Variants in CDS2 observed in about 807,000 individuals in gnomAD.
The protein encoded by CDS2 is CDP-diacylglycerol synthase 2, also known as phosphatidate cytidylyltransferase 2.
CDS2 carries 47 observed loss-of-function variants against 59.0 expected under a neutral mutation model. The ratio of observed to expected loss-of-function variants is 0.80; its 90% CI spans 0.63 to 1.02. CDS2 has a LOEUF of 1.02. CDS2 is among the 50% of genes least tolerant of loss of function. The pLI is 0.00. For synonymous variants in CDS2, 207 were observed against 206.4 expected (o/e 1.00, Z -0.02); for missense variants, 356 against 558.9 (o/e 0.64, Z 3.66).
At chr20:5,146,629 G>A (rs1032218130) in intron 1 of CDS2, among the ~76,000 whole-genome samples, 4 of 152,098 alleles carry the variant, frequency 2.6e-5, no homozygotes, top group African/African-American at 7.2e-5. Flanking sequence ...TGTTATTTAT[G>A]ATTTTTTTAG....
chr20:5,186,665 T>A, intron 9 of CDS2, 22 bp from the exon 10 acceptor site: 1 of 1,611,918 alleles, frequency 6.2e-7, no homozygotes, highest in Non-Finnish European at 8.5e-7. Flanking sequence ...TCCTTGCCGG[T>A]CTCTCTGTTA....
intron 9 of CDS2, 24 bp from the exon 10 acceptor site, chr20:5,186,663 G>C: frequency 6.2e-7 from 1 of 1,611,586 alleles, no homozygotes; most frequent in Non-Finnish European, 8.5e-7. Flanking sequence ...CTTCCTTGCC[G>C]GTCTCTCTGT....
Position 5,189,204 on chromosome 20 carries a change from C to T in CDS2, c.1101+18C>T, listed in dbSNP as rs201560308. On this transcript the variant is annotated intron_variant, in intron 11 of 12. Transcript: ENST00000460006. The stretch of plus-strand genomic sequence containing the variant: ...AAATCAAAGTAGGAAAACCGTCTTA[C>T]GTTCCTCTCATCTCACTCCCTCACC... 27 of 1,613,828 alleles carry T rather than the reference C, an allele frequency of 1.7e-5. 1 individual carries two copies. The highest frequency in any genetic ancestry group is 1.7e-4 in the Admixed American group (10 of 59,998).
intron 6 of CDS2, 61 bp from the exon 7 acceptor site, chr20:5,182,996 ATTGT>A (rs2091042352): frequency 7.6e-7 from 1 of 1,316,766 alleles, no homozygotes; most frequent in African/African-American, 1.4e-5. Context: ...TTTGGTATTG[ATTGT>A]TCTTTGAAGT....
chr20:5,146,439 G>A (rs1297856936), intron 1 of CDS2, among the ~76,000 whole-genome samples: 3 of 152,194 alleles, frequency 2.0e-5, no homozygotes. Flanking sequence ...GAAGAGGTCA[G>A]TGTCAAGTGC....
intron 4 of CDS2, 39 bp downstream of exon 4, chr20:5,176,784 A>G (rs2090998297): frequency 2.8e-6 from 4 of 1,427,958 alleles, no homozygotes; most frequent in Non-Finnish European, 4.0e-6. Context: ...TAGAATTTGG[A>G]TGATGTGCTT....
chr20:5,133,144 C>G (rs1162599331), intron 1 of CDS2, among the ~76,000 whole-genome samples: 2 of 152,168 alleles, frequency 1.3e-5, no homozygotes, highest in African/African-American at 4.8e-5. Context: ...CACTGCACTC[C>G]AGCCAGGAGG....
At position 5,178,942 on chromosome 20, in the gene CDS2, C is replaced by T. The variant is rs755510112; in HGVS notation, c.515C>T (p.Thr172Ile). Residue 172 changes from threonine to isoleucine, a missense_variant, in exon 5 of 13, where the codon ACT becomes ATT. Physicochemically the swap from Thr to Ile is moderately conservative, Grantham distance 89 (BLOSUM62 -1). Coordinates refer to ENST00000460006, the MANE Select transcript of CDS2 (RefSeq NM_003818.4). The part of the protein sequence containing the change: ...LSKYHRFISF[T>I]LYLIGFCMFV... ...AAATACCACCGGTTCATTTCCTTTACTCTCTATCTAATAGGTATGCATTAA... is the reference window on the plus strand; with the variant it reads ...AAATACCACCGGTTCATTTCCTTTATTCTCTATCTAATAGGTATGCATTAA... 1 of 1,613,972 alleles carries T rather than the reference C, an allele frequency of 6.2e-7. No individual in the cohort carries two copies. The highest frequency in any genetic ancestry group is 8.5e-7 in the Non-Finnish European group (1 of 1,179,892).
intron 1 of CDS2, among the ~76,000 whole-genome samples, chr20:5,161,525 A>G (rs2090876756): frequency 6.6e-6 from 1 of 152,234 alleles, no homozygotes; most frequent in Non-Finnish European, 1.5e-5. Flanking sequence ...ACATACATTG[A>G]GAGGCAATCC....
At chr20:5,168,755 G>T in intron 1 of CDS2, 1 of 441,750 alleles carries the variant, frequency 2.3e-6, no homozygotes, top group South Asian at 1.7e-5. Flanking sequence ...CACAAATGCT[G>T]TTCTGGACTG....
chr20:5,176,098 A>AATT (rs1260203276), intron 3 of CDS2: 1 of 153,684 alleles, frequency 6.5e-6, no homozygotes, highest in African/African-American at 2.4e-5. Flanking sequence ...TTCTAGAATA[A>AATT]AAAGTTAAAA....
chr20:5,185,802 T>G lies in CDS2; in HGVS notation c.804T>G (p.Phe268Leu), dbSNP rs934257668. Residue 268 changes from phenylalanine to leucine, a missense_variant, in exon 9 of 13, where the codon TTT becomes TTG. This residue lies in a region of CDS2 where 88 missense variants were observed against 103.6 expected (regional missense o/e 0.85). Transcript: ENST00000460006. ...GGGAAGGCTTCATTGGGGGCTTCTT[T>G]GCTACTGTGGTGTTTGGCCTTCTGG... is the stretch of plus-strand genomic sequence containing the variant. ...KTWEGFIGGF[F>L]ATVVFGLLLS... 4 of 1,614,112 alleles carry G rather than the reference T, an allele frequency of 2.5e-6. No homozygotes were observed. The highest frequency in any genetic ancestry group is 3.4e-6 in the Non-Finnish European group (4 of 1,180,028).
At chr20:5,179,014 G>C in intron 5 of CDS2, 58 bp downstream of exon 5, 1 of 1,540,660 alleles carries the variant, frequency 6.5e-7, no homozygotes, top group Middle Eastern at 1.7e-4. Context: ...ATGTCTGTCA[G>C]GTAGGAATTG....
At chr20:5,147,195 A>T (rs2090750558) in intron 1 of CDS2, among the ~76,000 whole-genome samples, 1 of 152,172 alleles carries the variant, frequency 6.6e-6, no homozygotes, top group South Asian at 2.1e-4. Flanking sequence ...GTCTCTGAGA[A>T]CTCTTAAAGG....
Position 5,146,350 on chromosome 20 carries a change from A to G in CDS2, c.57+19201A>G, listed in dbSNP as rs576667449. Among the ~76,000 whole-genome samples, 5 of 152,302 alleles carry G rather than the reference A, an allele frequency of 3.3e-5. No homozygotes were observed. In the East Asian group the frequency reaches 9.6e-4, roughly 29 times the overall value. On this transcript the variant is annotated intron_variant, in intron 1 of 12. Coordinates refer to ENST00000460006, the MANE Select transcript of CDS2 (RefSeq NM_003818.4). ...TAGTTTGAGGTGGGTGATGAAGCAG[A>G]GGAGTCAGGGAAGGAAACCGATGAA...
chr20:5,186,602 G>A lies in CDS2; in HGVS notation c.829-85G>A. 5 of 1,455,992 alleles carry A rather than the reference G, an allele frequency of 3.4e-6. No homozygotes were observed. The South Asian group carries it at 6.1e-5, about 18-fold the overall frequency. The allele number at this position is 1,455,992 out of a possible 1,614,324, so 90.2% of individuals were successfully genotyped here. A position where few individuals can be genotyped will look rare whatever the true frequency, so the allele number is the denominator to read the frequency against. On this transcript the variant is annotated intron_variant, in intron 9 of 12. Transcript: ENST00000460006. Reference sequence around the variant, plus strand: ...GTTAGCAGGGTACTAGGCACCCTCAGGAACATGGCCAAACCAGGTGCCTGT... The same window carrying A: ...GTTAGCAGGGTACTAGGCACCCTCAAGAACATGGCCAAACCAGGTGCCTGT...
intron 1 of CDS2, among the ~76,000 whole-genome samples, chr20:5,141,806 A>G (rs543933917): frequency 6.6e-5 from 10 of 152,282 alleles, no homozygotes; most frequent in Middle Eastern, 3.4e-3. Context: ...GTACCCAGCT[A>G]CTGTCCGCTG....
intron 1 of CDS2, among the ~76,000 whole-genome samples, chr20:5,148,288 C>G (rs537104480): frequency 3.3e-5 from 5 of 152,266 alleles, no homozygotes; most frequent in Non-Finnish European, 5.9e-5. Flanking sequence ...GTCCTACTGT[C>G]TAAAGGGCCT....
intron 1 of CDS2, among the ~76,000 whole-genome samples, chr20:5,145,180 G>T (rs182501665): frequency 1.9e-4 from 28 of 151,092 alleles, no homozygotes; most frequent in African/African-American, 6.3e-4. Flanking sequence ...TGGGCGCGTA[G>T]ATGGAGTCTT....
Sources: gnomAD v4.1 joint callset for allele counts (sites outside exome capture counted in the v4.1 genomes callset) on GRCh38, gnomAD v4.1.1 for gene constraint, gnomAD v4.1.1 regional missense constraint, MANE v1.5 for transcripts, NCBI Gene and HGNC (gene_info 2026-07-23, HGNC 2026-07-21) for gene names.